NXPE2: variants seen among roughly 807,000 people sequenced by gnomAD.
NXPE2 encodes neurexophilin and PC-esterase domain family member 2.
Under a neutral mutation model 34.4 loss-of-function variants are expected in NXPE2, and 34 were observed. That is an observed-to-expected ratio of 0.99 (90% CI 0.75 to 1.31). The LOEUF (loss-of-function observed/expected upper bound fraction) is 1.31, where lower values mean the gene tolerates loss of function less well. Ranked by LOEUF, NXPE2 falls within the 40% of genes most tolerant of loss-of-function variation. The pLI is 0.00. For synonymous variants in NXPE2, 235 were observed against 231.3 expected (o/e 1.02, Z -0.15); for missense variants, 649 against 672.5 (o/e 0.97, Z 0.39).
At chr11:114,678,359 A>C, upstream of NXPE2, 1 of 448,102 alleles carries the variant, frequency 2.2e-6, no homozygotes, top group Non-Finnish European at 4.0e-6. Context: ...GAGCTTCCTC[A>C]TGGCTTTTTC....
chr11:114,531,622 A>G, the NXPE2 span, among the ~76,000 whole-genome samples: 2 of 152,056 alleles, frequency 1.3e-5, no homozygotes. Flanking sequence ...CCTATTTTCA[A>G]CTCTACTTCT....
At chr11:114,636,265 T>C in the NXPE2 span, among the ~76,000 whole-genome samples, 15 of 151,998 alleles carry the variant, frequency 9.9e-5, no homozygotes, top group African/African-American at 3.4e-4. Flanking sequence ...GTGTTTGTAG[T>C]ATTCTCTGAT....
chr11:114,610,847 T>A, the NXPE2 span, among the ~76,000 whole-genome samples: 1 of 151,654 alleles, frequency 6.6e-6, no homozygotes, highest in African/African-American at 2.4e-5. Flanking sequence ...GTATTGCCTC[T>A]AGGGTAACCA....
chr11:114,623,254 G>A, the NXPE2 span, among the ~76,000 whole-genome samples: 1 of 148,950 alleles, frequency 6.7e-6, no homozygotes, highest in Non-Finnish European at 1.5e-5. Context: ...TTCCCGGTGG[G>A]TAATACATAT....
At chr11:114,525,567 T>G in the NXPE2 span, among the ~76,000 whole-genome samples, 1 of 152,086 alleles carries the variant, frequency 6.6e-6, no homozygotes, top group East Asian at 1.9e-4. Context: ...AGCTTCCCCC[T>G]TCCCCCCTTA....
chr11:114,680,335 C>T (rs1246293341), intron 2 of NXPE2, among the ~76,000 whole-genome samples: 1 of 152,060 alleles, frequency 6.6e-6, no homozygotes, highest in African/African-American at 2.4e-5. Context: ...ATTCGAGGCC[C>T]GTTTACATTT....
At chr11:114,596,369 CAGT>C in the NXPE2 span, among the ~76,000 whole-genome samples, 1 of 152,220 alleles carries the variant, frequency 6.6e-6, no homozygotes, top group Non-Finnish European at 1.5e-5. Flanking sequence ...CCACAGGAAG[CAGT>C]AGCTGCTGGC....
chr11:114,734,913 CCTGA>C, the NXPE2 span, among the ~76,000 whole-genome samples: 1 of 152,128 alleles, frequency 6.6e-6, no homozygotes, highest in Admixed American at 6.5e-5. Context: ...TCAAAACCAT[CCTGA>C]CTAACATGGT....
the NXPE2 span, among the ~76,000 whole-genome samples, chr11:114,531,405 A>G: frequency 6.6e-5 from 10 of 152,080 alleles, no homozygotes; most frequent in Admixed American, 6.5e-4. Flanking sequence ...TATCTCCTGG[A>G]TTATAGTGGC....
At chr11:114,801,963 G>A in the NXPE2 span, among the ~76,000 whole-genome samples, 6 of 152,076 alleles carry the variant, frequency 3.9e-5, no homozygotes, top group African/African-American at 1.2e-4. Context: ...GGGTGTAGAG[G>A]TAAGGGCTAC....
the NXPE2 span, among the ~76,000 whole-genome samples, chr11:114,791,915 G>A: frequency 6.6e-5 from 10 of 152,260 alleles, no homozygotes; most frequent in African/African-American, 2.2e-4. Context: ...AAAATTAGCC[G>A]GGCATGGTGG....
the NXPE2 span, among the ~76,000 whole-genome samples, chr11:114,616,352 C>A: frequency 1.3e-5 from 2 of 149,890 alleles, no homozygotes; most frequent in African/African-American, 2.5e-5. Flanking sequence ...ATAAGTGTTG[C>A]CTCACGTGTA....
chr11:114,718,314 T>C, the NXPE2 span, among the ~76,000 whole-genome samples: 4 of 152,178 alleles, frequency 2.6e-5, no homozygotes, highest in African/African-American at 9.7e-5. Flanking sequence ...AAGTACTTAG[T>C]GAAATAAGCC....
the NXPE2 span, among the ~76,000 whole-genome samples, chr11:114,609,344 G>A: frequency 6.6e-6 from 1 of 151,630 alleles, no homozygotes; most frequent in African/African-American, 2.4e-5. Context: ...TGTATAATAA[G>A]TAATGTCTCA....
the NXPE2 span, among the ~76,000 whole-genome samples, chr11:114,797,430 G>A: frequency 1.3e-5 from 2 of 152,136 alleles, no homozygotes; most frequent in South Asian, 4.1e-4. Context: ...AACAGCCTCA[G>A]ACTTCTCAAG....
At chr11:114,800,036 C>T in the NXPE2 span, among the ~76,000 whole-genome samples, 1 of 152,168 alleles carries the variant, frequency 6.6e-6, no homozygotes, top group African/African-American at 2.4e-5. Context: ...GCTTCTTGGT[C>T]TGTGACTTCC....
At chr11:114,608,024 A>T in the NXPE2 span, among the ~76,000 whole-genome samples, 1 of 151,870 alleles carries the variant, frequency 6.6e-6, no homozygotes, top group South Asian at 2.1e-4. Flanking sequence ...CAGGGAAACC[A>T]CTGTTACCTG....
At chr11:114,792,815 C>T in the NXPE2 span, among the ~76,000 whole-genome samples, 1,232 of 152,302 alleles carry the variant, frequency 8.1e-3, 18 homozygotes, top group African/African-American at 0.025. Context: ...CGTATGTTAT[C>T]TCATTTAGTC....
At chr11:114,710,374 G>C (rs1211339695), downstream of NXPE2, among the ~76,000 whole-genome samples, 1 of 151,954 alleles carries the variant, frequency 6.6e-6, no homozygotes, top group Non-Finnish European at 1.5e-5. Context: ...AAATAGAGAA[G>C]ACTCAAATAG....
Sources: gnomAD v4.1 joint callset for allele counts (sites outside exome capture counted in the v4.1 genomes callset) on GRCh38, gnomAD v4.1.1 for gene constraint, MANE v1.5 for transcripts, NCBI Gene and HGNC (gene_info 2026-07-23, HGNC 2026-07-21) for gene names.